Variants in COL23A1 observed in about 807,000 individuals in gnomAD.
COL23A1 encodes collagen type XXIII alpha 1 chain.
A neutral mutation model predicts 99.3 loss-of-function variants in COL23A1; 97 were observed. The ratio of observed to expected loss-of-function variants is 0.98; its 90% CI spans 0.83 to 1.16. The LOEUF is 1.16. Among genes scored for constraint, COL23A1 ranks in the 50% most tolerant of loss-of-function variants. COL23A1 has a pLI of 0.00. For synonymous variants in COL23A1, 320 were observed against 308.2 expected (o/e 1.04, Z -0.40); for missense variants, 762 against 757.4 (o/e 1.01, Z -0.07).
intron 16 of COL23A1, among the ~76,000 whole-genome samples, chr5:178,252,990 C>T (rs1211829436): frequency 2.0e-5 from 3 of 150,758 alleles, no homozygotes; most frequent in Admixed American, 6.6e-5. Flanking sequence ...AATGGTGGCC[C>T]AGCACCACCG....
intron 1 of COL23A1, among the ~76,000 whole-genome samples, chr5:178,586,468 G>C (rs1003373497): frequency 2.6e-5 from 4 of 152,048 alleles, no homozygotes; most frequent in Non-Finnish European, 5.9e-5. Flanking sequence ...CCAACCTCAG[G>C]GGCCATGCCT....
intron 2 of COL23A1, among the ~76,000 whole-genome samples, chr5:178,315,150 A>G (rs1311590948): frequency 6.6e-6 from 1 of 152,018 alleles, no homozygotes; most frequent in Non-Finnish European, 1.5e-5. Flanking sequence ...CTGAGTTAGG[A>G]GCGGATTTAG....
rs1756565738 is a variant in COL23A1, at chr5:178,468,621, G to A, written c.361+92061C>T. 6.6e-6 allele frequency among the ~76,000 whole-genome samples: 1 copy of A among 152,140 alleles called. No homozygotes were observed. ...CTTCCCCTCCCCTCGAGTCCCCCCA[G>A]GCAGCCTGGAGGGAAGGGCCGGGTC... On this transcript the variant is annotated intron_variant, in intron 2 of 28. Transcript: ENST00000390654. This position sits in a 1 kb window ranked among gnomAD's most constrained non-coding sequence, Gnocchi z 4.2.
intron 3 of COL23A1, among the ~76,000 whole-genome samples, chr5:178,297,897 C>T (rs1757831743): frequency 6.6e-6 from 1 of 152,180 alleles, no homozygotes; most frequent in Non-Finnish European, 1.5e-5. Context: ...GTGGCTGCCA[C>T]AGCCTCTGGA....
chr5:178,494,360 A>G (rs925446568), intron 2 of COL23A1, among the ~76,000 whole-genome samples: 3 of 152,196 alleles, frequency 2.0e-5, no homozygotes, highest in African/African-American at 7.2e-5. Flanking sequence ...GTCACATGCC[A>G]TGAACGTGAT....
At chr5:178,421,881 C>T (rs753245615) in intron 2 of COL23A1, among the ~76,000 whole-genome samples, 9 of 152,244 alleles carry the variant, frequency 5.9e-5, no homozygotes, top group East Asian at 3.9e-4. Flanking sequence ...AAAACACACA[C>T]GCATACACGC....
intron 2 of COL23A1, among the ~76,000 whole-genome samples, chr5:178,442,445 CCT>C (rs1161470100): frequency 6.6e-6 from 1 of 152,122 alleles, no homozygotes; most frequent in Non-Finnish European, 1.5e-5. Context: ...ACGTTTTACC[CCT>C]GAGCATGTCA....
At chr5:178,360,977 T>C (rs1271650640) in intron 2 of COL23A1, among the ~76,000 whole-genome samples, 1 of 152,188 alleles carries the variant, frequency 6.6e-6, no homozygotes, top group African/African-American at 2.4e-5. Flanking sequence ...GCTTTGGACT[T>C]GGCAAACAGG....
chr5:178,408,504 G>C (rs1764874293), intron 2 of COL23A1, among the ~76,000 whole-genome samples: 1 of 152,094 alleles, frequency 6.6e-6, no homozygotes. Flanking sequence ...CTCAATATAT[G>C]TACAGAAAAC....
At chr5:178,526,128 G>C (rs1760295177) in intron 2 of COL23A1, among the ~76,000 whole-genome samples, 1 of 152,232 alleles carries the variant, frequency 6.6e-6, no homozygotes, top group Non-Finnish European at 1.5e-5. Context: ...CAGAGGGCCA[G>C]GGAATGAGCA....
At chr5:178,540,491 A>C (rs1374176735) in intron 2 of COL23A1, among the ~76,000 whole-genome samples, 2 of 152,240 alleles carry the variant, frequency 1.3e-5, no homozygotes, top group Non-Finnish European at 2.9e-5. Context: ...TCTCAAAACT[A>C]TAAAACATTA....
chr5:178,404,237 C>T (rs1008540329), intron 2 of COL23A1, among the ~76,000 whole-genome samples: 1 of 152,204 alleles, frequency 6.6e-6, no homozygotes. Flanking sequence ...CAAGGAGTGG[C>T]CACACCTTAG....
At position 178,354,140 on chromosome 5, in the gene COL23A1, C is replaced by CT. The variant is rs146043731; in HGVS notation, c.362-47222dup. On this transcript the variant is annotated intron_variant, in intron 2 of 28. Coordinates refer to ENST00000390654, the MANE Select transcript of COL23A1 (RefSeq NM_173465.4). ...GGATACTGTTTTATACCATTTGAATCTTTTTTTTTTCAGTTTTATAATTCT... is the reference window on the plus strand; with the variant it reads ...GGATACTGTTTTATACCATTTGAATCTTTTTTTTTTTCAGTTTTATAATTCT... Among the ~76,000 whole-genome samples, 1,248 of 148,488 alleles carry CT rather than the reference C, an allele frequency of 8.4e-3. 3 individuals carry two copies. The highest frequency in any genetic ancestry group is 0.011 in the African/African-American group (445 of 40,490).
At chr5:178,566,422 C>G (rs1762844241) in intron 1 of COL23A1, among the ~76,000 whole-genome samples, 2 of 152,158 alleles carry the variant, frequency 1.3e-5, no homozygotes, top group Non-Finnish European at 2.9e-5. Context: ...GCTAGAATAA[C>G]AAATCTAACT....
rs1477897834 is a variant in COL23A1, at chr5:178,268,777, A to G, written c.469-21T>C. On this transcript the variant is annotated intron_variant, in intron 6 of 28. Transcript: ENST00000390654. ...AGTCCCTGGAAAAGGAAAGTGGAGAAAGAACAGACCTGAGTGAGGGGCCTA... is the reference window on the plus strand; with the variant it reads ...AGTCCCTGGAAAAGGAAAGTGGAGAGAGAACAGACCTGAGTGAGGGGCCTA... 4 of 1,602,336 alleles carry G rather than the reference A, an allele frequency of 2.5e-6. No individual in the cohort carries two copies. In the South Asian group the frequency reaches 4.5e-5, roughly 18 times the overall value.
chr5:178,277,912 A>C (rs1161055372), intron 5 of COL23A1, among the ~76,000 whole-genome samples: 1 of 152,156 alleles, frequency 6.6e-6, no homozygotes, highest in Admixed American at 6.5e-5. Context: ...CCGTGGGGTG[A>C]GGGAGGATGG....
In COL23A1 at chr5:178,565,387, G is replaced by A. The variant is rs544240537; in HGVS notation, c.295-4639C>T. Among the ~76,000 whole-genome samples, 5 of 152,296 alleles carry A rather than the reference G, an allele frequency of 3.3e-5. No homozygotes were observed. In the East Asian group the frequency reaches 9.6e-4, roughly 29 times the overall value. ...GTACAGGCACACCACAAACACCAGAGGAAGGGCTTGTCGAGAACCAAATGC... is the reference window on the plus strand; with the variant it reads ...GTACAGGCACACCACAAACACCAGAAGAAGGGCTTGTCGAGAACCAAATGC... On this transcript the variant is annotated intron_variant, in intron 1 of 28. Transcript: ENST00000390654.
At chr5:178,324,930 G>A (rs1322075759) in intron 2 of COL23A1, among the ~76,000 whole-genome samples, 3 of 152,160 alleles carry the variant, frequency 2.0e-5, no homozygotes, top group Non-Finnish European at 2.9e-5. Context: ...CAGCAAAGCC[G>A]AGCTTCTACA....
intron 11 of COL23A1, among the ~76,000 whole-genome samples, chr5:178,260,786 C>T (rs1718346983): frequency 6.6e-6 from 1 of 151,986 alleles, no homozygotes; most frequent in Admixed American, 6.6e-5. Flanking sequence ...AAGAGCAAGA[C>T]TCCATCTCAA....
Sources: allele counts gnomAD v4.1 joint callset (sites outside exome capture counted in the v4.1 genomes callset), GRCh38; gene constraint gnomAD v4.1.1; non-coding constraint Gnocchi (gnomAD v3.1); transcripts MANE v1.5; gene names NCBI Gene and HGNC (gene_info 2026-07-23, HGNC 2026-07-21).